Variants in MAP2K6 observed in about 807,000 individuals in gnomAD.
The protein encoded by MAP2K6 is dual specificity mitogen-activated protein kinase kinase 6.
MAP2K6 carries 16 observed loss-of-function variants against 53.7 expected under a neutral mutation model. The observed-to-expected ratio is 0.30, with a 90% CI of 0.20 to 0.45. MAP2K6 has a LOEUF of 0.45. Ranked by LOEUF, MAP2K6 falls within the 20% of genes least tolerant of loss-of-function variation. The pLI is 1.00. For missense variants in MAP2K6, 204 were observed against 411.9 expected, an observed-to-expected ratio of 0.50 and a Z score of 4.37; for synonymous variants, 132 against 143.1, an observed-to-expected ratio of 0.92 and a Z score of 0.55.
At chr17:69,460,175 G>A (rs1360856049) in intron 1 of MAP2K6, among the ~76,000 whole-genome samples, 2 of 152,116 alleles carry the variant, frequency 1.3e-5, no homozygotes, top group African/African-American at 4.8e-5. Context: ...GCTTAGCATG[G>A]GGCAGTCCTG....
chr17:69,430,341 GA>G (rs951750461), intron 1 of MAP2K6, among the ~76,000 whole-genome samples: 1 of 149,052 alleles, frequency 6.7e-6, no homozygotes, highest in Non-Finnish European at 1.5e-5. Context: ...GTCAAAAAGA[GA>G]AAAAAAAAGA....
intron 1 of MAP2K6, among the ~76,000 whole-genome samples, chr17:69,415,356 T>C (rs1165895581): frequency 6.6e-6 from 1 of 152,218 alleles, no homozygotes; most frequent in African/African-American, 2.4e-5. Context: ...AGTAATTTTG[T>C]ATGCAACAGG....
Position 69,552,555 on chromosome 17 carries a change from T to G in MAP2K6, c.*10802T>G, listed in dbSNP as rs1385710683. 6.6e-6 allele frequency: 1 copy of G among 152,214 alleles called. No homozygotes were observed. Among genetic ancestry groups the G allele is most frequent in the African/African-American group, 2.4e-5 (1 of 41,450 alleles). 9.4% of individuals were successfully genotyped at this position (152,214 alleles called of 1,614,324 possible). A position where few individuals can be genotyped will look rare whatever the true frequency, so the allele number is the denominator to read the frequency against. ...ATAAAGTAAAGACCTGTAAAGCATG[T>G]GGGTGGAATGTTTCCATGCTCTTGA... On this transcript the variant is annotated 3_prime_UTR_variant, in exon 12 of 12. Transcript: ENST00000590474.
At chr17:69,510,317 G>A (rs1476922261) in intron 2 of MAP2K6, among the ~76,000 whole-genome samples, 1 of 152,010 alleles carries the variant, frequency 6.6e-6, no homozygotes, top group Non-Finnish European at 1.5e-5. Flanking sequence ...GTTAGTTATG[G>A]TATATATATT....
At chr17:69,428,852 G>GTTTTTTTTTTTTTTTTTT (rs1567814754) in intron 1 of MAP2K6, among the ~76,000 whole-genome samples, 1 of 102,360 alleles carries the variant, frequency 9.8e-6, no homozygotes, top group Non-Finnish European at 1.9e-5. Flanking sequence ...CCTTTCTTCT[G>GTTTTTTTTTTTTTTTTTT]TTTTTGTTTT....
chr17:69,526,130 G>T (rs1424955210), intron 9 of MAP2K6, among the ~76,000 whole-genome samples: 3 of 152,172 alleles, frequency 2.0e-5, no homozygotes, highest in African/African-American at 7.2e-5. Flanking sequence ...CTGTCATTTG[G>T]TTCTAGGTTG....
At chr17:69,415,183 C>T (rs1176798390) in intron 1 of MAP2K6, among the ~76,000 whole-genome samples, 183 bp downstream of exon 1, 1 of 152,146 alleles carries the variant, frequency 6.6e-6, no homozygotes, top group Non-Finnish European at 1.5e-5. Flanking sequence ...TAAGGCAGGG[C>T]TTGCAGTTCA....
At chr17:69,475,644 A>C (rs1908126630) in intron 1 of MAP2K6, among the ~76,000 whole-genome samples, 1 of 152,124 alleles carries the variant, frequency 6.6e-6, no homozygotes, top group African/African-American at 2.4e-5. Context: ...TTAATATAGG[A>C]GATAGTTGGT....
At chr17:69,511,528 C>T (rs1909813898) in intron 2 of MAP2K6, among the ~76,000 whole-genome samples, 1 of 152,184 alleles carries the variant, frequency 6.6e-6, no homozygotes, top group Non-Finnish European at 1.5e-5. Context: ...TGTCCCTTCC[C>T]TTGATTGATA....
intron 6 of MAP2K6, 22 bp from the exon 7 acceptor site, chr17:69,521,027 C>A (rs572550194): frequency 1.3e-6 from 2 of 1,566,930 alleles, no homozygotes; most frequent in South Asian, 2.3e-5. Context: ...ATAAATAAAT[C>A]TATCTTGTGT....
intron 1 of MAP2K6, among the ~76,000 whole-genome samples, chr17:69,498,428 G>A (rs1255270158): frequency 1.3e-5 from 2 of 152,082 alleles, no homozygotes; most frequent in South Asian, 2.1e-4. Context: ...TATCAACTTA[G>A]CTGGTAACTA....
intron 9 of MAP2K6, among the ~76,000 whole-genome samples, chr17:69,525,643 G>A (rs1567855215): frequency 6.6e-6 from 1 of 152,200 alleles, no homozygotes; most frequent in Non-Finnish European, 1.5e-5. Flanking sequence ...AGTGAAAAGG[G>A]AGATGCTTCA....
chr17:69,425,763 C>T (rs574857673), intron 1 of MAP2K6, among the ~76,000 whole-genome samples: 1 of 152,264 alleles, frequency 6.6e-6, no homozygotes, highest in African/African-American at 2.4e-5. Context: ...CCTTTATTCT[C>T]CCTCCTCCAA....
At chr17:69,455,820 G>C (rs1451846671) in intron 1 of MAP2K6, among the ~76,000 whole-genome samples, 1 of 147,674 alleles carries the variant, frequency 6.8e-6, no homozygotes, top group Non-Finnish European at 1.5e-5. Context: ...CTGCAGATAT[G>C]CCTGGGACTG....
At chr17:69,500,475 G>C (rs1200514979) in intron 1 of MAP2K6, among the ~76,000 whole-genome samples, 1 of 88,262 alleles carries the variant, frequency 1.1e-5, no homozygotes, top group Non-Finnish European at 2.5e-5. Flanking sequence ...AAAAAAAAAA[G>C]GCCGGCCATG....
chr17:69,414,894 G>A lies in MAP2K6; in HGVS notation c.-91G>A. 2 of 1,200,416 alleles carry A rather than the reference G, an allele frequency of 1.7e-6. No homozygotes were observed. Among genetic ancestry groups the A allele is most frequent in the Non-Finnish European group, 2.5e-6 (2 of 814,556 alleles). The allele number at this position is 1,200,416 out of a possible 1,614,324, so 74.4% of individuals were successfully genotyped here. A position where few individuals can be genotyped will look rare whatever the true frequency, so the allele number is the denominator to read the frequency against. ...CCACTTGCATGAAGATTGCACGCCT[G>A]CAGCTTGCATCTTTGTTGCAAAACT... On this transcript the variant is annotated 5_prime_UTR_variant, in exon 1 of 12. Coordinates refer to ENST00000590474, the MANE Select transcript of MAP2K6 (RefSeq NM_002758.4).
Position 69,546,441 on chromosome 17 carries a change from G to T in MAP2K6, c.*4688G>T, listed in dbSNP as rs1483640115. 1.3e-5 allele frequency: 2 copies of T among 152,172 alleles called. No individual in the cohort carries two copies. The highest frequency in any genetic ancestry group is 1.5e-5 in the Non-Finnish European group (1 of 68,040). The allele number at this position is 152,172 out of a possible 1,614,324, so 9.4% of individuals were successfully genotyped here. On this transcript the variant is annotated 3_prime_UTR_variant, in exon 12 of 12. Transcript: ENST00000590474. ...CTTGGGAATTATAATCTCAAAGGAG[G>T]CAGAGAGGGGTTAATGTTGCATAAT...
intron 1 of MAP2K6, among the ~76,000 whole-genome samples, chr17:69,448,385 AAC>A (rs1190417109): frequency 6.6e-6 from 1 of 152,042 alleles, no homozygotes; most frequent in East Asian, 1.9e-4. Context: ...TTATTTAGGA[AAC>A]ACAGTCATTT....
chr17:69,502,869 G>T (rs144832152), intron 1 of MAP2K6, among the ~76,000 whole-genome samples: 4 of 152,236 alleles, frequency 2.6e-5, no homozygotes, highest in Middle Eastern at 3.4e-3. Flanking sequence ...AGATGTTTTG[G>T]TGATTTAAGT....
Sources: gnomAD v4.1 joint callset for allele counts (sites outside exome capture counted in the v4.1 genomes callset) on GRCh38, gnomAD v4.1.1 for gene constraint, MANE v1.5 for transcripts, NCBI Gene and HGNC (gene_info 2026-07-23, HGNC 2026-07-21) for gene names.